Variants in KLHL13 observed in about 807,000 individuals in gnomAD.
The protein encoded by KLHL13 is kelch-like protein 13.
KLHL13 carries 10 observed loss-of-function variants against 37.1 expected under a neutral mutation model. The ratio of observed to expected loss-of-function variants is 0.27; its 90% CI spans 0.17 to 0.46. The LOEUF (loss-of-function observed/expected upper bound fraction) is 0.46, where lower values mean the gene tolerates loss of function less well. Ranked by LOEUF, KLHL13 falls within the 20% of genes least tolerant of loss-of-function variation. The probability of loss-of-function intolerance (pLI) is 1.00; values close to 1 mark genes in which losing one functional copy is unlikely to be tolerated. For missense variants in KLHL13, 360 were observed against 509.3 expected (o/e 0.71, Z 2.82); for synonymous variants, 163 against 181.2 (o/e 0.90, Z 0.81).
intron 1 of KLHL13, among the ~76,000 whole-genome samples, chrX:118,081,919 T>C (rs1405481453): frequency 9.2e-6 from 1 of 109,085 alleles, no homozygotes; most frequent in Non-Finnish European, 1.9e-5. Context: ...TTAATTCTTT[T>C]TAAGGCTGAA....
intron 4 of KLHL13, among the ~76,000 whole-genome samples, chrX:117,910,642 C>T (rs1357283162): frequency 9.0e-6 from 1 of 111,614 alleles, no homozygotes; most frequent in Non-Finnish European, 1.9e-5. Context: ...AAAGTTATCA[C>T]TCATAATGAA....
chrX:118,053,104 CAG>C (rs1032339991), intron 1 of KLHL13, among the ~76,000 whole-genome samples: 1 of 111,311 alleles, frequency 9.0e-6, no homozygotes, highest in African/African-American at 3.3e-5. Flanking sequence ...AAAAACATAA[CAG>C]AAATACCATT....
chrX:117,963,922 C>G (rs1403857873), intron 1 of KLHL13, among the ~76,000 whole-genome samples: 2 of 95,833 alleles, frequency 2.1e-5, no homozygotes, highest in Non-Finnish European at 4.2e-5. Context: ...AACCATCATT[C>G]TCAGTAAACT....
intron 1 of KLHL13, among the ~76,000 whole-genome samples, chrX:117,951,128 G>A (rs1189142294): frequency 2.7e-5 from 3 of 111,352 alleles, no homozygotes; most frequent in South Asian, 3.8e-4. Context: ...TACCACAAAC[G>A]TTTGAGTGTA....
At chrX:117,988,634 T>C (rs2053753854) in intron 1 of KLHL13, among the ~76,000 whole-genome samples, 1 of 112,046 alleles carries the variant, frequency 8.9e-6, no homozygotes. Context: ...ATAAAATGAA[T>C]GGAAATGTCA....
chrX:118,052,498 G>A (rs1222451898), intron 1 of KLHL13, among the ~76,000 whole-genome samples: 2 of 102,968 alleles, frequency 1.9e-5, no homozygotes, highest in Non-Finnish European at 4.0e-5. Context: ...CTCCAGCCTG[G>A]GCGACAGAGC....
intron 1 of KLHL13, among the ~76,000 whole-genome samples, chrX:118,008,828 C>A (rs2054018764): frequency 9.0e-6 from 1 of 111,435 alleles, no homozygotes; most frequent in South Asian, 3.8e-4. Context: ...TCTCTCTGTG[C>A]CTCAAAGTCC....
chrX:117,960,445 A>T (rs1257002833), intron 1 of KLHL13, among the ~76,000 whole-genome samples: 1 of 110,808 alleles, frequency 9.0e-6, no homozygotes, highest in Non-Finnish European at 1.9e-5. Context: ...CCTGTTATTT[A>T]ACTGTTCTTA....
intron 2 of KLHL13, among the ~76,000 whole-genome samples, chrX:117,942,629 T>C (rs751470356): frequency 1.8e-5 from 2 of 111,449 alleles, no homozygotes; most frequent in African/African-American, 3.3e-5. Flanking sequence ...AAGTCTGTTT[T>C]ATCAGAAACT....
intron 1 of KLHL13, among the ~76,000 whole-genome samples, chrX:118,064,043 G>A (rs1430953416): frequency 3.6e-5 from 4 of 111,445 alleles, no homozygotes; most frequent in South Asian, 7.5e-4. Context: ...GGCCATTTAG[G>A]TTGATAAATT....
intron 1 of KLHL13, among the ~76,000 whole-genome samples, chrX:118,110,859 CA>C (rs2055403532): frequency 9.0e-6 from 1 of 111,336 alleles, no homozygotes; most frequent in African/African-American, 3.3e-5. Flanking sequence ...AACAGAAAAA[CA>C]AAAACTAAAC....
At chrX:117,983,674 G>T (rs2053691350) in intron 1 of KLHL13, 3 of 414,852 alleles carry the variant, frequency 7.2e-6, no homozygotes, top group Non-Finnish European at 1.2e-5. Context: ...ATCCTGAACA[G>T]TTAAAACCAC....
intron 1 of KLHL13, among the ~76,000 whole-genome samples, chrX:118,053,846 A>AGAGGAGGAG (rs2054652867): frequency 3.6e-5 from 1 of 27,953 alleles, no homozygotes; most frequent in African/African-American, 2.4e-4. Flanking sequence ...AGAGAGAGAG[A>AGAGGAGGAG]GAGGAGAGAG....
chrX:118,025,628 G>A (rs1164751433), intron 1 of KLHL13, among the ~76,000 whole-genome samples: 2 of 111,844 alleles, frequency 1.8e-5, no homozygotes, highest in African/African-American at 6.5e-5. Flanking sequence ...TCCTTTAAGT[G>A]AAAGGGTCAA....
chrX:117,946,359 AT>A (rs1394632439), intron 1 of KLHL13: 14 of 112,263 alleles, frequency 1.2e-4, no homozygotes, highest in African/African-American at 4.2e-4. Context: ...CAGCAATAGT[AT>A]TTTCAAGGGG....
intron 1 of KLHL13, among the ~76,000 whole-genome samples, chrX:118,106,827 TTA>T (rs2055352804): frequency 2.7e-5 from 3 of 112,185 alleles, no homozygotes; most frequent in South Asian, 7.4e-4. Flanking sequence ...AATACTCCAT[TTA>T]GACTTATCCA....
chrX:117,972,942 A>G, exon 1 of KLHL13: 1 of 1,103,049 alleles, frequency 9.1e-7, no homozygotes, highest in Non-Finnish European at 1.2e-6. Context: ...GAGAACAAGC[A>G]AAGGATTCTG....
At chrX:118,010,532 T>C (rs1199314589) in intron 1 of KLHL13, among the ~76,000 whole-genome samples, 8 of 76,255 alleles carry the variant, frequency 1.0e-4, no homozygotes, top group African/African-American at 2.0e-4. Flanking sequence ...TAGGTGGGAA[T>C]TGAACAATTA....
intron 2 of KLHL13, among the ~76,000 whole-genome samples, chrX:117,935,016 G>A (rs1330974576): frequency 8.9e-6 from 1 of 112,285 alleles, no homozygotes; most frequent in African/African-American, 3.2e-5. Context: ...AAACCCTCAT[G>A]CACTGCCAGT....
Sources: allele counts gnomAD v4.1 joint callset (sites outside exome capture counted in the v4.1 genomes callset), GRCh38; gene constraint gnomAD v4.1.1; transcripts MANE v1.5; gene names NCBI Gene and HGNC (gene_info 2026-07-23, HGNC 2026-07-21).